DPP4: variants seen among roughly 807,000 people sequenced by gnomAD.
DPP4 encodes the protein ADCP-2.
DPP4 carries 93 observed loss-of-function variants against 122.4 expected under a neutral mutation model. The observed-to-expected ratio is 0.76, with a 90% CI of 0.64 to 0.90. The LOEUF is 0.90. Among genes scored for constraint, DPP4 ranks in the 40% least tolerant of loss-of-function variants. The pLI is 0.00. For missense variants in DPP4, 914 were observed against 907.3 expected, an observed-to-expected ratio of 1.01 and a Z score of -0.09; for synonymous variants, 321 against 302.9, an observed-to-expected ratio of 1.06 and a Z score of -0.62.
In DPP4 at chr2:162,038,320, T is replaced by C; in HGVS notation, c.595A>G (p.Thr199Ala). The C allele has an allele frequency of 6.3e-7, 1 of 1,591,126 alleles. No homozygotes were observed. The highest frequency in any genetic ancestry group is 2.3e-5 in the East Asian group (1 of 44,108). Residue 199 changes from threonine (T) to alanine (A), a missense_variant, in exon 8 of 26, where the codon ACT becomes GCT. Coordinates refer to ENST00000360534, the MANE Select transcript of DPP4 (RefSeq NM_001935.4). Reference sequence around the variant, plus strand: ...TTTCTACCTTCATAAACCCAGTCAGTTATTCCATTATATATTATATCTTCT... The same window carrying C: ...TTTCTACCTTCATAAACCCAGTCAGCTATTCCATTATATATTATATCTTCT... ...GKEDIIYNGI[T>A]DWVYEEEVFS...
intron 2 of DPP4, among the ~76,000 whole-genome samples, chr2:162,063,721 GA>G (rs59443188): frequency 6.6e-6 from 1 of 151,506 alleles, no homozygotes; most frequent in East Asian, 1.9e-4. Flanking sequence ...AGGCTTAAGA[GA>G]AAAAAAGGGA....
intron 22 of DPP4, among the ~76,000 whole-genome samples, chr2:162,007,233 ATATCT>A (rs1701303673): frequency 6.6e-6 from 1 of 152,098 alleles, no homozygotes; most frequent in Admixed American, 6.6e-5. Context: ...TTAAATATTA[ATATCT>A]TAGGTTGTAC....
intron 19 of DPP4, among the ~76,000 whole-genome samples, chr2:162,012,324 AATG>A (rs3217201): frequency 0.011 from 1,645 of 152,298 alleles, 16 homozygotes; most frequent in East Asian, 0.055. Flanking sequence ...GTATAAAAAA[AATG>A]ATGATGACAA....
At chr2:162,049,842 T>C (rs1384816132) in intron 2 of DPP4, among the ~76,000 whole-genome samples, 1 of 152,204 alleles carries the variant, frequency 6.6e-6, no homozygotes, top group Non-Finnish European at 1.5e-5. Flanking sequence ...AAAACAACTT[T>C]GTTTCAAGAA....
chr2:162,027,456 C>T (rs1237564887), intron 10 of DPP4, among the ~76,000 whole-genome samples: 1 of 152,072 alleles, frequency 6.6e-6, no homozygotes, highest in African/African-American at 2.4e-5. Flanking sequence ...TGTCCTGTAT[C>T]AGTGGTTACT....
chr2:162,003,484 C>T (rs970583272), intron 23 of DPP4, among the ~76,000 whole-genome samples: 2 of 152,114 alleles, frequency 1.3e-5, no homozygotes. Flanking sequence ...CCATGAACCT[C>T]CTTAGATGTC....
chr2:161,994,302 T>C (rs1418046022), intron 25 of DPP4, among the ~76,000 whole-genome samples: 1 of 152,224 alleles, frequency 6.6e-6, no homozygotes, highest in Non-Finnish European at 1.5e-5. Context: ...TCATGTGTGT[T>C]AGAGGACACA....
At chr2:162,020,766 T>C (rs533773713) in intron 12 of DPP4, 78 bp from the exon 13 acceptor site, 69 of 925,752 alleles carry the variant, frequency 7.5e-5, no homozygotes, top group Non-Finnish European at 1.1e-4. Flanking sequence ...TAGAAAGTCC[T>C]GTCCAATACC....
intron 2 of DPP4, among the ~76,000 whole-genome samples, chr2:162,056,713 A>G (rs988649485): frequency 1.3e-5 from 2 of 152,162 alleles, no homozygotes; most frequent in Non-Finnish European, 2.9e-5. Context: ...CCTTTCTAAG[A>G]CGAAGAAAAA....
At chr2:161,993,446 T>C (rs914199754) in intron 25 of DPP4, 62 bp from the exon 26 acceptor site, 19 of 1,084,128 alleles carry the variant, frequency 1.8e-5, no homozygotes, top group African/African-American at 3.3e-5. Flanking sequence ...AAAAAAAAAA[T>C]ACGTAAATTC....
Position 162,027,489 on chromosome 2 carries a change from T to C in DPP4, c.888-2550A>G, listed in dbSNP as rs180712139. 8.4e-4 allele frequency among the ~76,000 whole-genome samples: 128 copies of C among 152,224 alleles called. 1 individual carries two copies. Among genetic ancestry groups the C allele is most frequent in the Admixed American group, 8.4e-3 (128 of 15,280 alleles). On this transcript the variant is annotated intron_variant, in intron 10 of 25. Coordinates refer to ENST00000360534, the MANE Select transcript of DPP4 (RefSeq NM_001935.4). Reference sequence around the variant, plus strand: ...ACTATTTTTTCAGGCCAAAAACCATTTGGACAATCTGATGAAACTGATGTA... The same window carrying C: ...ACTATTTTTTCAGGCCAAAAACCATCTGGACAATCTGATGAAACTGATGTA...
intron 19 of DPP4, among the ~76,000 whole-genome samples, chr2:162,013,399 C>A (rs1239199263): frequency 6.6e-6 from 1 of 152,124 alleles, no homozygotes; most frequent in Non-Finnish European, 1.5e-5. Flanking sequence ...GATAACACAT[C>A]TGGAATTTTA....
Position 162,047,015 on chromosome 2 carries a change from A to G in DPP4, c.194-9T>C. The G allele has an allele frequency of 6.9e-7, 1 of 1,443,596 alleles. No homozygotes were observed. Among genetic ancestry groups the G allele is most frequent in the Non-Finnish European group, 9.6e-7 (1 of 1,037,228 alleles). 89.4% of individuals were successfully genotyped at this position (1,443,596 alleles called of 1,614,324 possible). On this transcript the variant is annotated splice_polypyrimidine_tract_variant and intron_variant, in intron 3 of 25. Coordinates refer to ENST00000360534, the MANE Select transcript of DPP4 (RefSeq NM_001935.4). Reference sequence around the variant, plus strand: ...GTAGAGATATTCATGATCTAAAGAGAGAAAACACCCAGATCAAAATTTCAA... The same window carrying G: ...GTAGAGATATTCATGATCTAAAGAGGGAAAACACCCAGATCAAAATTTCAA...
intron 8 of DPP4, among the ~76,000 whole-genome samples, chr2:162,036,326 C>G (rs149187946): frequency 7.9e-5 from 12 of 152,046 alleles, no homozygotes; most frequent in Non-Finnish European, 1.6e-4. Context: ...AGAATAATAG[C>G]AAAAATAATT....
At chr2:162,013,735 G>A (rs772658346) in intron 19 of DPP4, among the ~76,000 whole-genome samples, 12 of 152,114 alleles carry the variant, frequency 7.9e-5, no homozygotes, top group Non-Finnish European at 1.5e-4. Flanking sequence ...AGCCAGGACA[G>A]GAAGAGCCTG....
chr2:162,015,443 C>T (rs1362003417), intron 18 of DPP4, among the ~76,000 whole-genome samples: 1 of 151,808 alleles, frequency 6.6e-6, no homozygotes, highest in Non-Finnish European at 1.5e-5. Flanking sequence ...CAATAGAACA[C>T]CAAACTATCA....
intron 8 of DPP4, among the ~76,000 whole-genome samples, chr2:162,037,816 G>A (rs1683830256): frequency 2.6e-5 from 4 of 152,036 alleles, no homozygotes; most frequent in Non-Finnish European, 5.9e-5. Flanking sequence ...CTTAAAAACA[G>A]GAAATCATAA....
chr2:162,037,163 A>G (rs1683807405), intron 8 of DPP4, among the ~76,000 whole-genome samples: 1 of 152,188 alleles, frequency 6.6e-6, no homozygotes, highest in African/African-American at 2.4e-5. Context: ...CTGCATGTGA[A>G]TGGCCTAGTC....
At chr2:162,003,898 T>C (rs1701216126) in intron 23 of DPP4, among the ~76,000 whole-genome samples, 1 of 152,162 alleles carries the variant, frequency 6.6e-6, no homozygotes, top group South Asian at 2.1e-4. Context: ...ACAAGATACC[T>C]ATTAGTTCAA....
Sources: gnomAD v4.1 joint callset for allele counts (sites outside exome capture counted in the v4.1 genomes callset) on GRCh38, gnomAD v4.1.1 for gene constraint, MANE v1.5 for transcripts, NCBI Gene and HGNC (gene_info 2026-07-23, HGNC 2026-07-21) for gene names.